Variants in SLC8A1 observed in about 807,000 individuals in gnomAD.
SLC8A1 encodes sodium/calcium exchanger 1.
Under a neutral mutation model 68.3 loss-of-function variants are expected in SLC8A1, and 18 were observed. The observed-to-expected ratio is 0.26, with a 90% CI of 0.18 to 0.39. The LOEUF is 0.39. Among genes scored for constraint, SLC8A1 ranks in the 10% least tolerant of loss-of-function variants. The probability of loss-of-function intolerance (pLI) is 1.00; values close to 1 mark genes in which losing one functional copy is unlikely to be tolerated. For missense variants in SLC8A1, 985 were observed against 1,156.7 expected (o/e 0.85, Z 2.15); for synonymous variants, 475 against 415.5 (o/e 1.14, Z -1.74).
intron 2 of SLC8A1, chr2:40,220,181 G>C (rs2058112809): frequency 6.7e-6 from 1 of 150,226 alleles, no homozygotes. Flanking sequence ...AGAAGAAAGA[G>C]AAAGAGACAA....
intron 2 of SLC8A1, among the ~76,000 whole-genome samples, chr2:40,396,392 T>C (rs982363312): frequency 1.4e-4 from 21 of 152,134 alleles, no homozygotes; most frequent in Non-Finnish European, 1.5e-5. Flanking sequence ...GCAAACCACT[T>C]ATACTCCAGG....
intron 2 of SLC8A1, among the ~76,000 whole-genome samples, chr2:40,179,240 T>C (rs2049013948): frequency 6.6e-6 from 1 of 152,206 alleles, no homozygotes; most frequent in Non-Finnish European, 1.5e-5. Flanking sequence ...GTTGTAGTTA[T>C]TTTCATTCTT....
chr2:40,471,791 T>C (rs1704005209), intron 1 of SLC8A1, among the ~76,000 whole-genome samples: 1 of 152,200 alleles, frequency 6.6e-6, no homozygotes, highest in South Asian at 2.1e-4. Context: ...CAGCTACCTT[T>C]GGCAAGATAG....
intron 2 of SLC8A1, among the ~76,000 whole-genome samples, chr2:40,296,748 C>T (rs184171260): frequency 4.6e-5 from 7 of 152,264 alleles, no homozygotes; most frequent in Non-Finnish European, 1.0e-4. Context: ...ATCCCCCATC[C>T]TGTGGGAAAC....
At chr2:40,125,579 C>T (rs1365125986) in intron 7 of SLC8A1, among the ~76,000 whole-genome samples, 2 of 152,142 alleles carry the variant, frequency 1.3e-5, no homozygotes, top group African/African-American at 4.8e-5. Flanking sequence ...ATTTTATTTA[C>T]TAACAGTATG....
At chr2:40,244,462 C>T (rs554054270) in intron 2 of SLC8A1, among the ~76,000 whole-genome samples, 1 of 151,040 alleles carries the variant, frequency 6.6e-6, no homozygotes, top group Non-Finnish European at 1.5e-5. Flanking sequence ...CAGGGGAAGA[C>T]GTTACTCTGA....
At chr2:40,457,760 C>A (rs1001633466) in intron 1 of SLC8A1, among the ~76,000 whole-genome samples, 35 of 152,156 alleles carry the variant, frequency 2.3e-4, no homozygotes, top group African/African-American at 8.4e-4. Flanking sequence ...TTTCAGCATT[C>A]CTAAGAATGT....
intron 2 of SLC8A1, among the ~76,000 whole-genome samples, chr2:40,347,318 T>G: frequency 6.6e-6 from 1 of 152,216 alleles, no homozygotes; most frequent in East Asian, 1.9e-4. Context: ...TCTTCTAAAC[T>G]ATCAACCTAA....
At position 40,210,001 on chromosome 2, in the gene SLC8A1, C is replaced by G. The variant is rs189603321; in HGVS notation, c.1809-32146G>C. 3.3e-5 allele frequency: 5 copies of G among 152,348 alleles called. No individual in the cohort carries two copies. The East Asian group carries it at 9.7e-4, about 30-fold the overall frequency. 9.4% of individuals were successfully genotyped at this position (152,348 alleles called of 1,614,324 possible). A position where few individuals can be genotyped will look rare whatever the true frequency, so the allele number is the denominator to read the frequency against. The stretch of plus-strand genomic sequence containing the variant: ...CTCCAGGCAGCCTCTATTGATTGAT[C>G]TGAGTTGGCAGATGAGTTGGCAGGT... On this transcript the variant is annotated intron_variant, in intron 2 of 7. Transcript: ENST00000406785.
At chr2:40,372,956 G>A (rs1334908792) in intron 2 of SLC8A1, among the ~76,000 whole-genome samples, 1 of 151,290 alleles carries the variant, frequency 6.6e-6, no homozygotes, top group East Asian at 2.0e-4. Flanking sequence ...GGAACACAAA[G>A]GAAAAAAATA....
At position 40,175,866 on chromosome 2, in the gene SLC8A1, A is replaced by C. The variant is rs572320467; in HGVS notation, c.1913-1024T>G. ...TCTTGGGATGTTCTATTTGGATGAT[A>C]TTTTGTCCACCAAGAATTGCTTATG... On this transcript the variant is annotated intron_variant, in intron 3 of 7. Coordinates refer to ENST00000406785, the Ensembl canonical transcript of SLC8A1. 140 of 344,188 alleles carry C rather than the reference A, an allele frequency of 4.1e-4. 2 individuals are homozygous for C. The highest frequency in any genetic ancestry group is 2.3e-3 in the South Asian group (103 of 45,348). The allele number at this position is 344,188 out of a possible 1,614,324, so 21.3% of individuals were successfully genotyped here. A position where few individuals can be genotyped will look rare whatever the true frequency, so the allele number is the denominator to read the frequency against.
chr2:40,204,788 T>C (rs1461789603), intron 2 of SLC8A1, among the ~76,000 whole-genome samples: 2 of 152,042 alleles, frequency 1.3e-5, no homozygotes, highest in Admixed American at 1.3e-4. Context: ...ATAATTAATA[T>C]AAATTTTAAG....
At chr2:40,399,335 C>G (rs559841903) in intron 2 of SLC8A1, among the ~76,000 whole-genome samples, 13 of 152,072 alleles carry the variant, frequency 8.5e-5, no homozygotes, top group Non-Finnish European at 1.6e-4. Flanking sequence ...CCTCGTCTCC[C>G]CTTTTTCACA....
At chr2:40,263,072 G>A (rs573519648) in intron 2 of SLC8A1, among the ~76,000 whole-genome samples, 105 of 152,272 alleles carry the variant, frequency 6.9e-4, no homozygotes, top group African/African-American at 2.0e-3. Context: ...GTCCTTCAGC[G>A]AATGACTTAC....
At chr2:40,477,408 T>G (rs1029812790) in intron 1 of SLC8A1, among the ~76,000 whole-genome samples, 2 of 152,172 alleles carry the variant, frequency 1.3e-5, no homozygotes, top group Non-Finnish European at 2.9e-5. Context: ...ATGATCCACC[T>G]ACTCCTTCTC....
chr2:40,264,704 G>A lies in SLC8A1; in HGVS notation c.1809-86849C>T, dbSNP rs769738187. 5.7e-4 allele frequency among the ~76,000 whole-genome samples: 87 copies of A among 152,174 alleles called. 1 individual carries two copies. Among genetic ancestry groups the A allele is most frequent in the Non-Finnish European group, 3.5e-4 (24 of 68,036 alleles). On this transcript the variant is annotated intron_variant, in intron 2 of 7. Transcript: ENST00000406785. ...ATCACACTCTGAGGACTGTTGTGGG[G>A]TGGGGTGAGGGAGAGGGATAGCATT...
chr2:40,147,355 G>A (rs1310154903), intron 6 of SLC8A1, among the ~76,000 whole-genome samples: 1 of 152,152 alleles, frequency 6.6e-6, no homozygotes, highest in Non-Finnish European at 1.5e-5. Context: ...TAAGAATCTT[G>A]AAATTCAGAG....
At chr2:40,455,288 T>TGG (rs1374112649), upstream of SLC8A1, among the ~76,000 whole-genome samples, 1 of 152,174 alleles carries the variant, frequency 6.6e-6, no homozygotes, top group Non-Finnish European at 1.5e-5. Context: ...TTAAAAATAT[T>TGG]TAATACTTTA....
chr2:40,506,285 A>T (rs1158905425), intron 1 of SLC8A1, among the ~76,000 whole-genome samples: 1 of 151,890 alleles, frequency 6.6e-6, no homozygotes, highest in East Asian at 1.9e-4. Context: ...AAAAGTAGAT[A>T]CAATTATCCA....
Sources: allele counts gnomAD v4.1 joint callset (sites outside exome capture counted in the v4.1 genomes callset), GRCh38; gene constraint gnomAD v4.1.1; transcripts MANE v1.5; gene names NCBI Gene and HGNC (gene_info 2026-07-23, HGNC 2026-07-21).